Variants in GPR158 observed in about 807,000 individuals in gnomAD.
The protein encoded by GPR158 is metabotropic glycine receptor.
GPR158 carries 30 observed loss-of-function variants against 78.2 expected under a neutral mutation model. The observed-to-expected ratio is 0.38, with a 90% CI of 0.29 to 0.52. The LOEUF is 0.52. Among genes scored for constraint, GPR158 ranks in the 20% least tolerant of loss-of-function variants. GPR158 has a pLI of 0.83. For missense variants in GPR158, 1,463 were observed against 1,523.5 expected, an observed-to-expected ratio of 0.96 and a Z score of 0.66; for synonymous variants, 581 against 591.1, an observed-to-expected ratio of 0.98 and a Z score of 0.25.
chr10:25,296,422 CT>C (rs1854514806), intron 2 of GPR158, among the ~76,000 whole-genome samples: 1 of 152,052 alleles, frequency 6.6e-6, no homozygotes, highest in Admixed American at 6.5e-5. Flanking sequence ...TACCGTTTCA[CT>C]TTTCATTATA....
chr10:25,381,464 T>C (rs890498848), intron 2 of GPR158, among the ~76,000 whole-genome samples: 4 of 152,174 alleles, frequency 2.6e-5, no homozygotes, highest in Non-Finnish European at 5.9e-5. Context: ...CTGAGATTTG[T>C]GCACAGTTAA....
At chr10:25,491,144 T>C (rs768749678) in intron 5 of GPR158, among the ~76,000 whole-genome samples, 98 of 152,254 alleles carry the variant, frequency 6.4e-4, no homozygotes, top group Non-Finnish European at 5.0e-4. Context: ...TGTGTGTGTA[T>C]CAAAAATTAT....
chr10:25,471,489 G>T (rs1835501441), intron 5 of GPR158, among the ~76,000 whole-genome samples: 1 of 152,140 alleles, frequency 6.6e-6, no homozygotes, highest in South Asian at 2.1e-4. Context: ...ATATGGGATT[G>T]CTGGGTCAAA....
intron 4 of GPR158, among the ~76,000 whole-genome samples, chr10:25,422,167 C>A (rs911888391): frequency 6.6e-6 from 1 of 152,146 alleles, no homozygotes; most frequent in East Asian, 1.9e-4. Flanking sequence ...GGGTTACTGT[C>A]TTTTTGTCCA....
At chr10:25,432,326 C>G (rs909572319) in intron 4 of GPR158, among the ~76,000 whole-genome samples, 3 of 152,140 alleles carry the variant, frequency 2.0e-5, no homozygotes, top group Non-Finnish European at 2.9e-5. Context: ...TTAGGAACTA[C>G]CTACTCCCAT....
chr10:25,561,927 G>A (rs1836865573), intron 6 of GPR158, among the ~76,000 whole-genome samples: 1 of 151,988 alleles, frequency 6.6e-6, no homozygotes, highest in African/African-American at 2.4e-5. Flanking sequence ...TAAGCCTGCT[G>A]AATCTCACAT....
chr10:25,492,013 G>A (rs1198310673), intron 5 of GPR158, among the ~76,000 whole-genome samples: 1 of 152,156 alleles, frequency 6.6e-6, no homozygotes, highest in Non-Finnish European at 1.5e-5. Flanking sequence ...GGTTCTGCAG[G>A]CTGTACAAGG....
At chr10:25,235,691 T>TA (rs920265277) in intron 2 of GPR158, among the ~76,000 whole-genome samples, 2 of 143,980 alleles carry the variant, frequency 1.4e-5, no homozygotes, top group African/African-American at 5.3e-5. Flanking sequence ...TTTTGCACAG[T>TA]AATTTTTTTT....
intron 7 of GPR158, among the ~76,000 whole-genome samples, chr10:25,588,631 G>A (rs971819536): frequency 6.6e-6 from 1 of 152,142 alleles, no homozygotes; most frequent in African/African-American, 2.4e-5. Flanking sequence ...TGTTGTTGTT[G>A]TTGCCTTGGT....
intron 5 of GPR158, among the ~76,000 whole-genome samples, chr10:25,489,698 G>T (rs113355072): frequency 6.6e-6 from 1 of 151,960 alleles, no homozygotes; most frequent in Non-Finnish European, 1.5e-5. Context: ...CCCTTCAGTC[G>T]CCTCCTTCAT....
At chr10:25,390,213 C>G (rs1175418191) in intron 2 of GPR158, among the ~76,000 whole-genome samples, 1 of 152,152 alleles carries the variant, frequency 6.6e-6, no homozygotes, top group East Asian at 1.9e-4. Context: ...TAAATTGGTA[C>G]CGGTAGAGGG....
chr10:25,188,081 G>A lies in GPR158; in HGVS notation c.902+11759G>A, dbSNP rs184504365. 3.8e-4 allele frequency among the ~76,000 whole-genome samples: 58 copies of A among 152,314 alleles called. 1 individual carries two copies. Among genetic ancestry groups the A allele is most frequent in the African/African-American group, 1.3e-3 (56 of 41,566 alleles). On this transcript the variant is annotated intron_variant, in intron 1 of 10. Coordinates refer to ENST00000376351, the MANE Select transcript of GPR158 (RefSeq NM_020752.3). The stretch of plus-strand genomic sequence containing the variant: ...CCTAGGAATCCAACTTACAAGGGAT[G>A]TGAAGGACCTCTTCAAAGAGAACTA...
In GPR158 at chr10:25,463,209, AT is replaced by A. The variant is rs376384708; in HGVS notation, c.1336-3435del. On this transcript the variant is annotated intron_variant, in intron 4 of 10. Coordinates refer to ENST00000376351, the MANE Select transcript of GPR158 (RefSeq NM_020752.3). ...TATTAGCATTTTTTAGCCATAAAGT[AT>A]TTTTTTCCTTAAGGCAAGTACATTA... Among the ~76,000 whole-genome samples, 25 of 152,272 alleles carry A rather than the reference AT, an allele frequency of 1.6e-4. No homozygotes were observed. In the South Asian group the frequency reaches 2.3e-3, roughly 14 times the overall value.
At chr10:25,273,935 C>G (rs1854150064) in intron 2 of GPR158, among the ~76,000 whole-genome samples, 1 of 152,162 alleles carries the variant, frequency 6.6e-6, no homozygotes, top group African/African-American at 2.4e-5. Context: ...GCCTCAGCCT[C>G]CCAAAGTACT....
intron 6 of GPR158, among the ~76,000 whole-genome samples, chr10:25,570,338 T>G (rs997704022): frequency 6.6e-6 from 1 of 152,236 alleles, no homozygotes; most frequent in African/African-American, 2.4e-5. Flanking sequence ...ATACTGTAAT[T>G]TAAAACACAA....
At chr10:25,262,946 G>A (rs1273539188) in intron 2 of GPR158, among the ~76,000 whole-genome samples, 2 of 152,152 alleles carry the variant, frequency 1.3e-5, no homozygotes, top group African/African-American at 2.4e-5. Flanking sequence ...CACTTTGCAT[G>A]GCAGTCCTTT....
intron 2 of GPR158, among the ~76,000 whole-genome samples, chr10:25,312,239 G>T (rs149665833): frequency 1.8e-4 from 28 of 151,950 alleles, no homozygotes; most frequent in Non-Finnish European, 2.2e-4. Context: ...AATTTGAATG[G>T]ATCTTTTACC....
At chr10:25,219,985 T>C (rs1358253036) in intron 1 of GPR158, among the ~76,000 whole-genome samples, 1 of 152,210 alleles carries the variant, frequency 6.6e-6, no homozygotes, top group African/African-American at 2.4e-5. Context: ...GTGGGATTCT[T>C]TGTAGCTACA....
intron 2 of GPR158, among the ~76,000 whole-genome samples, chr10:25,379,094 C>T (rs976736407): frequency 6.6e-6 from 1 of 152,184 alleles, no homozygotes; most frequent in Non-Finnish European, 1.5e-5. Flanking sequence ...CCCAACCCCA[C>T]CTGCCTTTTA....
Sources: allele counts gnomAD v4.1 joint callset (sites outside exome capture counted in the v4.1 genomes callset), GRCh38; gene constraint gnomAD v4.1.1; transcripts MANE v1.5; gene names NCBI Gene and HGNC (gene_info 2026-07-23, HGNC 2026-07-21).